GRM8: variants seen among roughly 807,000 people sequenced by gnomAD.
GRM8 encodes glutamate metabotropic receptor 8.
GRM8 carries 47 observed loss-of-function variants against 87.2 expected under a neutral mutation model. The observed-to-expected ratio is 0.54, with a 90% CI of 0.43 to 0.69. GRM8 has a LOEUF of 0.69. Ranked by LOEUF, GRM8 falls within the 30% of genes least tolerant of loss-of-function variation. GRM8 has a pLI of 0.00. For synonymous variants in GRM8, 396 were observed against 404.5 expected, an observed-to-expected ratio of 0.98 and a Z score of 0.25; for missense variants, 1,019 against 1,139.2, an observed-to-expected ratio of 0.89 and a Z score of 1.52.
At chr7:126,503,441 C>T (rs1261373451) in intron 9 of GRM8, among the ~76,000 whole-genome samples, 1 of 151,916 alleles carries the variant, frequency 6.6e-6, no homozygotes, top group Non-Finnish European at 1.5e-5. Context: ...TTGGGATTAT[C>T]AAATATTGAC....
intron 7 of GRM8, among the ~76,000 whole-genome samples, chr7:126,680,265 G>T (rs1807406310): frequency 6.6e-6 from 1 of 152,096 alleles, no homozygotes; most frequent in African/African-American, 2.4e-5. Flanking sequence ...AAGAAGAGGT[G>T]AGAATATAAG....
chr7:126,788,409 C>CAAAAAAAAAAAAAACAACAAAAAAAAA (rs1554492183), intron 6 of GRM8, among the ~76,000 whole-genome samples: 27 of 10,788 alleles, frequency 2.5e-3, no homozygotes, highest in African/African-American at 7.2e-3. Flanking sequence ...GACTCCATCT[C>CAAAAAAAAAAAAAACAACAAAAAAAAA]AAAAAAAAAA....
At chr7:126,700,314 A>G (rs1357886577) in intron 7 of GRM8, among the ~76,000 whole-genome samples, 1 of 152,176 alleles carries the variant, frequency 6.6e-6, no homozygotes, top group Non-Finnish European at 1.5e-5. Context: ...CAAGAACTCA[A>G]TATAATGAAA....
At chr7:127,238,486 A>C (rs1798110314) in intron 2 of GRM8, among the ~76,000 whole-genome samples, 1 of 152,196 alleles carries the variant, frequency 6.6e-6, no homozygotes, top group Non-Finnish European at 1.5e-5. Context: ...TGGGAGGCAC[A>C]CATCATTCAC....
intron 6 of GRM8, among the ~76,000 whole-genome samples, chr7:126,771,195 A>G (rs1280902863): frequency 5.9e-5 from 9 of 152,094 alleles, no homozygotes; most frequent in Admixed American, 5.3e-4. Flanking sequence ...TATAACCTAC[A>G]TATTTAGAGA....
intron 2 of GRM8, among the ~76,000 whole-genome samples, chr7:127,160,535 G>GCGCACACA (rs1554603506): frequency 1.2e-4 from 17 of 140,422 alleles, no homozygotes; most frequent in African/African-American, 1.9e-4. Context: ...TCACGCGCGC[G>GCGCACACA]CACACACACA....
chr7:126,799,051 G>A (rs1585982701), intron 6 of GRM8, among the ~76,000 whole-genome samples: 1 of 152,146 alleles, frequency 6.6e-6, no homozygotes. Flanking sequence ...GTTGAAAATG[G>A]GCCAAAGACA....
chr7:127,141,854 C>A (rs1335394722), intron 2 of GRM8, among the ~76,000 whole-genome samples: 1 of 152,182 alleles, frequency 6.6e-6, no homozygotes, highest in Non-Finnish European at 1.5e-5. Flanking sequence ...TAGACTATGG[C>A]AATACCCAAT....
Position 126,446,144 on chromosome 7 carries a change from C to T in GRM8, c.2659G>A (p.Glu887Lys). 1 of 1,612,854 alleles carries T rather than the reference C, an allele frequency of 6.2e-7. No homozygotes were observed. ...GACTTACTGTTGGTTTCAAGACTCT[C>T]ACAGAGTTCACTTTTCACCTCGCCA... ...PNGEVKSELC[E>K]SLETNTSSTK... is the part of the protein sequence containing the mutation. The change falls in exon 10 of 11, where the codon GAG becomes AAG. Residue 887 changes from glutamate to lysine, a missense_variant. Coordinates refer to ENST00000339582, the MANE Select transcript of GRM8 (RefSeq NM_000845.3).
At position 126,945,833 on chromosome 7, in the gene GRM8, G is replaced by A. The variant is rs1045710816; in HGVS notation, c.728-41150C>T. ...TATCTCCCCATCCCTATGTAGAGAT[G>A]CACACATAAAGGCCTGGAAGAATAC... On this transcript the variant is annotated intron_variant, in intron 3 of 10. Coordinates refer to ENST00000339582, the MANE Select transcript of GRM8 (RefSeq NM_000845.3). Among the ~76,000 whole-genome samples, 6 of 152,160 alleles carry A rather than the reference G, an allele frequency of 3.9e-5. 1 individual carries two copies. The South Asian group carries it at 1.0e-3, about 26-fold the overall frequency.
At chr7:127,041,636 A>C (rs534592063) in intron 3 of GRM8, among the ~76,000 whole-genome samples, 2 of 152,364 alleles carry the variant, frequency 1.3e-5, no homozygotes, top group South Asian at 4.1e-4. Flanking sequence ...AGGAATATGG[A>C]GGAAACAGAC....
chr7:126,597,605 A>G (rs962801803), intron 8 of GRM8, among the ~76,000 whole-genome samples: 2 of 152,068 alleles, frequency 1.3e-5, no homozygotes, highest in African/African-American at 2.4e-5. Flanking sequence ...AAGGATTAAA[A>G]TATCATTTAT....
chr7:127,044,480 TAAAATAA>T (rs1818741622), intron 3 of GRM8, among the ~76,000 whole-genome samples: 1 of 152,118 alleles, frequency 6.6e-6, no homozygotes, highest in African/African-American at 2.4e-5. Context: ...TAAAATTAAT[TAAAATAA>T]ATCTGTTACT....
At chr7:126,495,928 A>T (rs1338834971) in intron 9 of GRM8, among the ~76,000 whole-genome samples, 1 of 152,018 alleles carries the variant, frequency 6.6e-6, no homozygotes, top group African/African-American at 2.4e-5. Flanking sequence ...TTGCACAGTA[A>T]CTGTTGGTAG....
At chr7:127,134,050 C>A (rs982028091) in intron 2 of GRM8, among the ~76,000 whole-genome samples, 1 of 152,170 alleles carries the variant, frequency 6.6e-6, no homozygotes, top group Non-Finnish European at 1.5e-5. Context: ...AGGTTTATCC[C>A]TTAGCTTCCT....
intron 3 of GRM8, among the ~76,000 whole-genome samples, chr7:127,096,029 T>C (rs1277569392): frequency 6.6e-6 from 1 of 152,204 alleles, no homozygotes; most frequent in Non-Finnish European, 1.5e-5. Flanking sequence ...ATTTCATGAA[T>C]TCATGTATTT....
intron 7 of GRM8, among the ~76,000 whole-genome samples, chr7:126,694,378 T>C (rs1809157426): frequency 6.6e-6 from 1 of 152,184 alleles, no homozygotes; most frequent in Non-Finnish European, 1.5e-5. Context: ...TGTTTAATAG[T>C]GCATAGATTT....
chr7:126,849,755 C>T (rs1272845577), intron 6 of GRM8, among the ~76,000 whole-genome samples: 1 of 152,084 alleles, frequency 6.6e-6, no homozygotes, highest in Non-Finnish European at 1.5e-5. Flanking sequence ...AAGCTTTGCT[C>T]CCACCCACCT....
chr7:126,499,604 T>TA (rs147691404), intron 9 of GRM8, among the ~76,000 whole-genome samples: 3,937 of 151,582 alleles, frequency 0.026, 82 homozygotes, highest in Non-Finnish European at 0.04. Context: ...ATTCGGCCTT[T>TA]AAAAAAAAGG....
Sources: gnomAD v4.1 joint callset for allele counts (sites outside exome capture counted in the v4.1 genomes callset) on GRCh38, gnomAD v4.1.1 for gene constraint, MANE v1.5 for transcripts, NCBI Gene and HGNC (gene_info 2026-07-23, HGNC 2026-07-21) for gene names.